ADGRG4: variants seen among roughly 807,000 people sequenced by gnomAD.
ADGRG4 encodes adhesion G protein-coupled receptor G4, also known as G protein-coupled receptor 112.
A neutral mutation model predicts 126.2 loss-of-function variants in ADGRG4; 122 were observed. The observed-to-expected ratio is 0.97, with a 90% CI of 0.83 to 1.12. The LOEUF (loss-of-function observed/expected upper bound fraction) is 1.12, where lower values mean the gene tolerates loss of function less well. Among genes scored for constraint, ADGRG4 ranks in the 50% most tolerant of loss-of-function variants. The pLI is 0.00. For missense variants in ADGRG4, 2,481 were observed against 2,251.8 expected, an observed-to-expected ratio of 1.10 and a Z score of -2.06; for synonymous variants, 943 against 838.7, an observed-to-expected ratio of 1.12 and a Z score of -2.15.
rs377370501 is a variant in ADGRG4, at chrX:136,357,689, T to C, written c.6928-15T>C. On this transcript the variant is annotated splice_polypyrimidine_tract_variant and intron_variant, in intron 9 of 25. Transcript: ENST00000394143. ...TTAAAGATTTCAGTGACTATGTACT[T>C]TTCTTTTGCATTAGTTGGAACAGAG... is the stretch of plus-strand genomic sequence containing the variant. 8.6e-7 allele frequency: 1 copy of C among 1,159,632 alleles called. No individual in the cohort carries two copies. Among genetic ancestry groups the C allele is most frequent in the Admixed American group, 2.2e-5 (1 of 45,224 alleles).
At chrX:136,395,764 T>C (rs751966749) in intron 19 of ADGRG4, among the ~76,000 whole-genome samples, 1 of 112,024 alleles carries the variant, frequency 8.9e-6, no homozygotes, top group East Asian at 2.8e-4. Flanking sequence ...GGCTAACATG[T>C]ATATTCATTT....
chrX:136,323,280 C>A lies in ADGRG4; in HGVS notation c.573C>A (p.Ile191=), dbSNP rs1256982976. Residue 191 remains isoleucine (I), a synonymous_variant, in exon 5 of 26, where the codon ATC becomes ATA. Coordinates refer to ENST00000394143, the MANE Select transcript of ADGRG4 (RefSeq NM_153834.4). Reference sequence around the variant, plus strand: ...ACTACTTTCAACTCTGGGACCACATCCTGGAAAACGAAGAGTTTATGAAGT... The same window carrying A: ...ACTACTTTCAACTCTGGGACCACATACTGGAAAACGAAGAGTTTATGAAGT... The part of the protein sequence containing the change: ...SLYYFQLWDH[I]LENEEFMKCL... 1 of 1,210,900 alleles carries A rather than the reference C, an allele frequency of 8.3e-7. No individual in the cohort carries two copies. Among genetic ancestry groups the A allele is most frequent in the South Asian group, 1.8e-5 (1 of 56,935 alleles).
Position 136,407,342 on chromosome X carries a change from A to AAG in ADGRG4, c.8935+1371_8935+1372insGA, listed in dbSNP as rs200844030. ...GCATGGTAAAAGCTCTATTATGAAA[A>AAG]AAAAAAAACCTTTAAAAAGTTGTTT... On this transcript the variant is annotated intron_variant, in intron 23 of 25. Coordinates refer to ENST00000394143, the MANE Select transcript of ADGRG4 (RefSeq NM_153834.4). Among the ~76,000 whole-genome samples the AAG allele has an allele frequency of 4.2e-3, 464 of 110,527 alleles. 4 individuals carry two copies. Among genetic ancestry groups the AAG allele is most frequent in the African/African-American group, 0.014 (420 of 30,475 alleles).
chrX:136,359,377 A>G lies in ADGRG4; in HGVS notation c.7066A>G (p.Asn2356Asp). ...AAAAATCAAAAGTAAAATACATGGC[A>G]ACTTCACACATGGAAACTTCACACA... ...MRKIKSKIHG[N>D]FTHGNFTQDQ... is the part of the protein sequence containing the mutation. Residue 2356 changes from asparagine to aspartate, a missense_variant, in exon 11 of 26, where the codon AAC becomes GAC. Asn to Asp is a conservative substitution (Grantham distance 23). Transcript: ENST00000394143. 1 of 1,206,358 alleles carries G rather than the reference A, an allele frequency of 8.3e-7. No homozygotes were observed. Among genetic ancestry groups the G allele is most frequent in the African/African-American group, 1.7e-5 (1 of 57,771 alleles).
chrX:136,387,220 G>A (rs964366574), intron 15 of ADGRG4, among the ~76,000 whole-genome samples: 14 of 112,273 alleles, frequency 1.2e-4, no homozygotes, highest in Non-Finnish European at 2.4e-4. Context: ...CCATAGCTGT[G>A]AGCATGCAGC....
chrX:136,329,071 A>T (rs1036250181), intron 5 of ADGRG4, among the ~76,000 whole-genome samples: 1 of 111,089 alleles, frequency 9.0e-6, no homozygotes, highest in Non-Finnish European at 1.9e-5. Flanking sequence ...TTTTCACCTT[A>T]AAGATACTCA....
At position 136,399,830 on chromosome X, in the gene ADGRG4, T is replaced by G. The variant is rs2075370510; in HGVS notation, c.8307-18T>G. 1 of 1,186,581 alleles carries G rather than the reference T, an allele frequency of 8.4e-7. No homozygotes were observed. The highest frequency in any genetic ancestry group is 1.8e-5 in the African/African-American group (1 of 56,278). ...AAAAAACAGACTTTACCTAACAACA[T>G]TGTACTTTCTCTTTTAGCAAACTTC... is the stretch of plus-strand genomic sequence containing the variant. On this transcript the variant is annotated intron_variant, in intron 20 of 25. Coordinates refer to ENST00000394143, the MANE Select transcript of ADGRG4 (RefSeq NM_153834.4).
At chrX:136,411,602 A>C (rs150600402) in intron 23 of ADGRG4, among the ~76,000 whole-genome samples, 2 of 112,986 alleles carry the variant, frequency 1.8e-5, no homozygotes, top group East Asian at 5.6e-4. Context: ...AACAACAAAA[A>C]TTTATTATTT....
chrX:136,408,105 G>A (rs1332365457), intron 23 of ADGRG4, among the ~76,000 whole-genome samples: 1 of 112,019 alleles, frequency 8.9e-6, no homozygotes, highest in East Asian at 2.8e-4. Context: ...GCAATTTCGA[G>A]CTTATAAAGG....
At chrX:136,363,308 G>A (rs1056565772) in intron 12 of ADGRG4, among the ~76,000 whole-genome samples, 169 bp from the exon 13 acceptor site, 8 of 111,562 alleles carry the variant, frequency 7.2e-5, no homozygotes, top group African/African-American at 2.6e-4. Flanking sequence ...CTCCCTAAGA[G>A]CAAAATTTCT....
chrX:136,399,700 C>A, intron 20 of ADGRG4, 148 bp from the exon 21 acceptor site: 1 of 474,488 alleles, frequency 2.1e-6, no homozygotes, highest in Non-Finnish European at 3.4e-6. Flanking sequence ...TTCGACTTTA[C>A]CTGGAAAGAG....
At chrX:136,319,117 C>A (rs1190549653) in intron 4 of ADGRG4, among the ~76,000 whole-genome samples, 1 of 112,510 alleles carries the variant, frequency 8.9e-6, no homozygotes, top group Non-Finnish European at 1.9e-5. Context: ...GAAGCAGGCC[C>A]TTGAGAGGCG....
chrX:136,316,991 G>A (rs1294652237), intron 4 of ADGRG4, among the ~76,000 whole-genome samples: 2 of 111,224 alleles, frequency 1.8e-5, no homozygotes, highest in Non-Finnish European at 3.8e-5. Context: ...CCAACTCAGT[G>A]CCCTAATACA....
chrX:136,401,071 A>G (rs952708808), intron 21 of ADGRG4, among the ~76,000 whole-genome samples: 4 of 112,195 alleles, frequency 3.6e-5, no homozygotes, highest in African/African-American at 1.3e-4. Context: ...GTTCATTAAC[A>G]TAGTACATGC....
intron 8 of ADGRG4, among the ~76,000 whole-genome samples, chrX:136,354,135 T>C (rs778472377): frequency 4.4e-5 from 5 of 112,407 alleles, no homozygotes; most frequent in African/African-American, 1.6e-4. Context: ...TATTAATTAT[T>C]AATCAAGTAT....
rs768484464 is a variant in ADGRG4 at position 136,348,844 on chromosome X, C to T, written c.5138C>T (p.Thr1713Ile). Residue 1713 changes from threonine to isoleucine, a missense_variant, in exon 6 of 26, where the codon ACA (threonine) becomes ATA (isoleucine). Physicochemically the swap from Thr to Ile is moderately conservative, Grantham distance 89. Transcript: ENST00000394143. ...TQQSSQADEA[T>I]TLGILSGITN... Reference sequence around the variant, plus strand: ...CAGTCATCACAAGCAGATGAGGCTACAACTTTGGGCATATTATCTGGGATT... The same window carrying T: ...CAGTCATCACAAGCAGATGAGGCTATAACTTTGGGCATATTATCTGGGATT... 1.2e-5 allele frequency: 14 copies of T among 1,209,429 alleles called. No individual in the cohort carries two copies. In the Middle Eastern group the frequency reaches 6.9e-4, roughly 60 times the overall value.
intron 10 of ADGRG4, 39 bp from the exon 11 acceptor site, chrX:136,359,253 A>G: frequency 8.7e-7 from 1 of 1,155,619 alleles, no homozygotes; most frequent in South Asian, 2.0e-5. Context: ...CTCCCTTGAC[A>G]TAACTGCAAC....
chrX:136,323,350 G>A lies in ADGRG4; in HGVS notation c.643G>A (p.Val215Ile), dbSNP rs758569179. Residue 215 changes from valine to isoleucine, a missense_variant, in exon 5 of 26, where the codon GTC becomes ATC. Physicochemically the swap from Val to Ile is conservative, Grantham distance 29. Transcript: ENST00000394143. ...TAGTTGGGAAGAAGACGTCTGGCTT[G>A]TCAACAAGATCATCCCAACTGTTGA... ...IVSWEEDVWL[V>I]NKIIPTVDRT... 4.1e-6 allele frequency: 5 copies of A among 1,208,036 alleles called. No homozygotes were observed. In the African/African-American group the frequency reaches 7.0e-5, roughly 17 times the overall value.
chrX:136,378,889 G>T (rs1321637292), intron 15 of ADGRG4, among the ~76,000 whole-genome samples: 3 of 111,854 alleles, frequency 2.7e-5, no homozygotes, highest in Non-Finnish European at 5.6e-5. Context: ...TTTTCTAAGT[G>T]CTTATGTTTT....
Sources: gnomAD v4.1 joint callset for allele counts (sites outside exome capture counted in the v4.1 genomes callset) on GRCh38, gnomAD v4.1.1 for gene constraint, MANE v1.5 for transcripts, NCBI Gene and HGNC (gene_info 2026-07-23, HGNC 2026-07-21) for gene names.